Variants in GCN1 observed in about 807,000 individuals in gnomAD.
GCN1 encodes the protein stalled ribosome sensor GCN1.
In GCN1, 90 loss-of-function variants were observed where a neutral mutation model predicts 288.4. The ratio of observed to expected loss-of-function variants is 0.31; its 90% confidence interval spans 0.26 to 0.37. The LOEUF is 0.37. Among genes scored for constraint, GCN1 ranks in the 10% least tolerant of loss-of-function variants. GCN1 has a pLI of 1.00. For missense variants in GCN1, 2,586 were observed against 3,419.9 expected, an observed-to-expected ratio of 0.76 and a Z score of 6.08; for synonymous variants, 1,386 against 1,420.2, an observed-to-expected ratio of 0.98 and a Z score of 0.54.
Position 120,155,150 on chromosome 12 carries a change from C to G in GCN1, c.3630+91G>C. 1.3e-6 allele frequency: 2 copies of G among 1,530,408 alleles called. No homozygotes were observed. The highest frequency in any genetic ancestry group is 1.8e-6 in the Non-Finnish European group (2 of 1,104,662). 94.8% of individuals were successfully genotyped at this position (1,530,408 alleles called of 1,614,324 possible). A position where few individuals can be genotyped will look rare whatever the true frequency, so the allele number is the denominator to read the frequency against. On this transcript the variant is annotated intron_variant, in intron 30 of 57. Transcript: ENST00000300648. This position sits in a 1 kb window ranked among gnomAD's most constrained non-coding sequence, Gnocchi z 4.9. ...AGCTACCCTGAGCCACCGTGAGCCC[C>G]GAGATTCCTGTCTGGAGCAGTAGCG...
chr12:120,175,907 C>T (rs1443448683), intron 10 of GCN1, 33 bp from the exon 11 acceptor site: 1 of 1,586,698 alleles, frequency 6.3e-7, no homozygotes, highest in Non-Finnish European at 8.6e-7. Flanking sequence ...CAGAAGCAGC[C>T]AACAACTGAG....
In GCN1 at chr12:120,137,989, C is replaced by T. The variant is rs547351902; in HGVS notation, c.6305G>A (p.Gly2102Asp). The change falls in exon 48 of 58, where the codon GGT becomes GAT. Residue 2102 changes from glycine to aspartate, a missense_variant. By Grantham distance (94) the Gly-to-Asp change is moderately conservative. Transcript: ENST00000300648. The surrounding 1 kb of genome is among the most constrained non-coding windows in gnomAD (Gnocchi z 5.2). ...RVLAFLSSVA[G>D]DALTRHLGVI... is the part of the protein sequence containing the mutation. ...GCCAAGATGACGGGTGAGGGCATCA[C>T]CAGCCACTGACGAAAGGAAAGCCAG... 5 of 1,614,140 alleles carry T rather than the reference C, an allele frequency of 3.1e-6. No individual in the cohort carries two copies. The highest frequency in any genetic ancestry group is 3.3e-5 in the Admixed American group (2 of 60,022).
At chr12:120,159,288 G>C (rs553901417) in intron 24 of GCN1, among the ~76,000 whole-genome samples, 6 of 152,256 alleles carry the variant, frequency 3.9e-5, no homozygotes, top group African/African-American at 1.4e-4. Context: ...TTTCCACTCA[G>C]AACAGTTCCC....
chr12:120,133,778 G>C (rs780842698), intron 53 of GCN1, among the ~76,000 whole-genome samples: 9 of 152,166 alleles, frequency 5.9e-5, no homozygotes, highest in Non-Finnish European at 1.2e-4. Context: ...CTATAAAATA[G>C]AAATAACCGG....
intron 9 of GCN1, 119 bp from the exon 10 acceptor site, chr12:120,176,336 A>AG (rs1469174266): frequency 1.5e-6 from 1 of 678,920 alleles, no homozygotes; most frequent in African/African-American, 1.8e-5. Context: ...TCATCTCTAC[A>AG]GGCTACATGA....
chr12:120,139,239 A>G (rs1877112569), intron 45 of GCN1, among the ~76,000 whole-genome samples: 2 of 152,078 alleles, frequency 1.3e-5, no homozygotes, highest in Admixed American at 6.6e-5. Flanking sequence ...GAACCCAGGA[A>G]GCAGAGGCTG....
In GCN1 at chr12:120,160,001, G is replaced by A. The variant is rs772455354; in HGVS notation, c.2573C>T (p.Ala858Val). ...LQELDGELEA[A>V]LGLLDIILAK... ...CAGGATGATGTCCAGCAGTCCAAGC[G>A]CCGCCTCCAGCTCCCCATCCAGCTG... Residue 858 changes from alanine to valine, a missense_variant, in exon 24 of 58, where the codon GCG becomes GTG. Ala to Val is a moderately conservative substitution (Grantham distance 64). Transcript: ENST00000300648. 9.1e-5 allele frequency: 147 copies of A among 1,613,972 alleles called. No individual in the cohort carries two copies. Among genetic ancestry groups the A allele is most frequent in the Non-Finnish European group, 1.2e-4 (144 of 1,179,972 alleles).
At position 120,136,649 on chromosome 12, in the gene GCN1, T is replaced by C. The variant is rs766719757; in HGVS notation, c.6861A>G (p.Leu2287=). The part of the protein sequence containing the change: ...PEQKEEAAKA[L]GLVIRLTSAD... ...CCGAGGTCAGGCGGATTACCAAGCC[T>C]AAGGCTTTGGCTGCCTCCTCCTTCT... is the stretch of plus-strand genomic sequence containing the variant. The change falls in exon 51 of 58, where the codon TTA becomes TTG. Residue 2287 remains leucine, a synonymous_variant. Coordinates refer to ENST00000300648, the MANE Select transcript of GCN1 (RefSeq NM_006836.2). 4 of 1,614,170 alleles carry C rather than the reference T, an allele frequency of 2.5e-6. No individual in the cohort carries two copies. Among genetic ancestry groups the C allele is most frequent in the East Asian group, 2.2e-5 (1 of 44,884 alleles).
chr12:120,151,439 T>C lies in GCN1; in HGVS notation c.4063-48A>G, dbSNP rs374197178. ...ATGCTGTGGCTCCGCTGCAGCCGTT[T>C]CATGGTTGGTGGGGGGTCTGACCAT... is the stretch of plus-strand genomic sequence containing the variant. On this transcript the variant is annotated intron_variant, in intron 33 of 57. Transcript: ENST00000300648. 9.8e-4 allele frequency: 1,566 copies of C among 1,601,832 alleles called. 2 individuals are homozygous for C. The highest frequency in any genetic ancestry group is 1.2e-3 in the Non-Finnish European group (1,464 of 1,176,576).
chr12:120,164,908 T>C (rs1463664247), intron 16 of GCN1, among the ~76,000 whole-genome samples, 187 bp from the exon 17 acceptor site: 3 of 149,456 alleles, frequency 2.0e-5, no homozygotes, highest in Non-Finnish European at 3.0e-5. Context: ...TTGGAATCAG[T>C]AAAGTATATA....
chr12:120,189,538 CT>C (rs200518688), intron 2 of GCN1, among the ~76,000 whole-genome samples: 62,816 of 148,722 alleles, frequency 0.42, 14,686 homozygotes, highest in South Asian at 0.64. Flanking sequence ...AATTTTTGTA[CT>C]TTTTTTTTTA....
chr12:120,139,777 C>T (rs953284017), intron 45 of GCN1, among the ~76,000 whole-genome samples: 1 of 152,136 alleles, frequency 6.6e-6, no homozygotes, highest in Non-Finnish European at 1.5e-5. Context: ...GGCATCTGGC[C>T]CCCTCTCTCC....
Position 120,142,513 on chromosome 12 carries a change from C to T in GCN1, c.5823G>A (p.Lys1941=), listed in dbSNP as rs952516648. The T allele has an allele frequency of 6.2e-7, 1 of 1,613,536 alleles. No homozygotes were observed. The highest frequency in any genetic ancestry group is 8.5e-7 in the Non-Finnish European group (1 of 1,179,660). The change falls in exon 44 of 58, where the codon AAG becomes AAA. Residue 1941 remains lysine (K), a synonymous_variant. Coordinates refer to ENST00000300648, the MANE Select transcript of GCN1 (RefSeq NM_006836.2). This position sits in a 1 kb window ranked among gnomAD's most constrained non-coding sequence, Gnocchi z 4.9. ...LGFLASTCAD[K]RTIAARTLGD... is the part of the protein sequence containing the mutation. ...CAAGGCCCAGGAAACTCACCGTTCTCTTATCTGCACACGTGCTGGCCAGGA... is the reference window on the plus strand; with the variant it reads ...CAAGGCCCAGGAAACTCACCGTTCTTTTATCTGCACACGTGCTGGCCAGGA...
In GCN1 at chr12:120,163,221, C is replaced by G. The variant is rs758252420; in HGVS notation, c.1887G>C (p.Glu629Asp). 2 of 1,614,128 alleles carry G rather than the reference C, an allele frequency of 1.2e-6. No individual in the cohort carries two copies. Among genetic ancestry groups the G allele is most frequent in the Admixed American group, 3.3e-5 (2 of 60,034 alleles). Residue 629 changes from glutamate to aspartate, a missense_variant, in exon 19 of 58, where the codon GAG becomes GAC. Physicochemically the swap from Glu to Asp is conservative, Grantham distance 45 (BLOSUM62 2). This residue lies in a region of GCN1 where 913 missense variants were observed against 1,107.0 expected (regional missense o/e 0.82). Transcript: ENST00000300648. Reference sequence around the variant, plus strand: ...CGTAGGCCTTGCCTGCCTCAGTCACCTCTCCAGCATCAGTCACCAAAGCCT... The same window carrying G: ...CGTAGGCCTTGCCTGCCTCAGTCACGTCTCCAGCATCAGTCACCAAAGCCT... The part of the protein sequence containing the change: ...PLEALVTDAG[E>D]VTEAGKAYVP...
chr12:120,154,936 C>G, intron 31 of GCN1, 34 bp downstream of exon 31: 1 of 1,576,410 alleles, frequency 6.3e-7, no homozygotes, highest in South Asian at 1.1e-5. Flanking sequence ...TCTCACAAAG[C>G]TTGGAGTAGA....
chr12:120,159,956 A>C lies in GCN1; in HGVS notation c.2618T>G (p.Leu873Arg), dbSNP rs1399806533. The change falls in exon 24 of 58, where the codon CTG becomes CGG. Residue 873 changes from leucine (L) to arginine (R), a missense_variant. Transcript: ENST00000300648. The stretch of plus-strand genomic sequence containing the variant: ...GACCAAAACAGGGATGTACTGGGTC[A>C]GGCCGGACGGGTTCTTGGCCAGGAT... ...DIILAKNPSGLTQYIPVLVDS... is the reference protein window; with the variant it reads ...DIILAKNPSGRTQYIPVLVDS... 6.2e-7 allele frequency: 1 copy of C among 1,614,068 alleles called. No individual in the cohort carries two copies. Among genetic ancestry groups the C allele is most frequent in the Admixed American group, 1.7e-5 (1 of 60,010 alleles).
In GCN1 at chr12:120,183,606, G is replaced by A. The variant is rs761087849; in HGVS notation, c.389C>T (p.Ser130Leu). The change falls in exon 5 of 58, where the codon TCG (serine) becomes TTG (leucine). Residue 130 changes from serine (S) to leucine (L), a missense_variant. Physicochemically the swap from Ser to Leu is moderately radical, Grantham distance 145. Coordinates refer to ENST00000300648, the MANE Select transcript of GCN1 (RefSeq NM_006836.2). ...GATGTCTCCTTGTCGCTTGGCTCTC[G>A]ATGGAAAGACAATGCGCACCAGGAG... ...TCLLVRIVFP[S>L]RAKRQGDIWN... is the part of the protein sequence containing the mutation. The A allele has an allele frequency of 6.8e-6, 11 of 1,613,210 alleles. No individual in the cohort carries two copies. The highest frequency in any genetic ancestry group is 4.5e-5 in the East Asian group (2 of 44,888).
At chr12:120,135,614 C>T (rs548362003) in intron 51 of GCN1, among the ~76,000 whole-genome samples, 7 of 152,262 alleles carry the variant, frequency 4.6e-5, no homozygotes, top group African/African-American at 1.2e-4. Flanking sequence ...CTGCCCACCT[C>T]GGCCTCCCAA....
intron 33 of GCN1, among the ~76,000 whole-genome samples, chr12:120,152,311 G>C (rs923685426): frequency 6.6e-6 from 1 of 151,006 alleles, no homozygotes; most frequent in Non-Finnish European, 1.5e-5. Context: ...TTATAGGCAT[G>C]AGCCACCACG....
Sources: gnomAD v4.1 joint callset for allele counts (sites outside exome capture counted in the v4.1 genomes callset) on GRCh38, gnomAD v4.1.1 for gene constraint, gnomAD v4.1.1 regional missense constraint, Gnocchi (gnomAD v3.1) non-coding constraint, MANE v1.5 for transcripts, NCBI Gene and HGNC (gene_info 2026-07-23, HGNC 2026-07-21) for gene names.